Variants in ACACB observed in about 807,000 individuals in gnomAD.
ACACB encodes acetyl-CoA carboxylase 2.
Under a neutral mutation model 278.8 loss-of-function variants are expected in ACACB, and 209 were observed. That is an observed-to-expected ratio of 0.75 (90% CI 0.67 to 0.84). The LOEUF (loss-of-function observed/expected upper bound fraction) is 0.84, where lower values mean the gene tolerates loss of function less well. ACACB is among the 40% of genes least tolerant of loss of function. The pLI is 0.00. For synonymous variants in ACACB, 1,174 were observed against 1,285.6 expected, an observed-to-expected ratio of 0.91 and a Z score of 1.86; for missense variants, 2,850 against 3,269.0, an observed-to-expected ratio of 0.87 and a Z score of 3.13.
chr12:109,257,780 A>G (rs1473282317), intron 45 of ACACB, among the ~76,000 whole-genome samples: 1 of 152,184 alleles, frequency 6.6e-6, no homozygotes, highest in Non-Finnish European at 1.5e-5. Context: ...TATGCTGTCC[A>G]GGCTGGTCTC....
At chr12:109,199,228 T>C (rs2045246279) in intron 17 of ACACB, among the ~76,000 whole-genome samples, 174 bp from the exon 18 acceptor site, 2 of 152,250 alleles carry the variant, frequency 1.3e-5, no homozygotes, top group Non-Finnish European at 2.9e-5. Flanking sequence ...ACAGCCTTTT[T>C]GTTCACCCAC....
intron 35 of ACACB, 110 bp from the exon 36 acceptor site, chr12:109,240,968 C>G: frequency 9.9e-7 from 1 of 1,008,046 alleles, no homozygotes. Context: ...CACTATGTCC[C>G]AGGCGTTTTT....
At chr12:109,130,504 C>T (rs573928863) in intron 1 of ACACB, among the ~76,000 whole-genome samples, 2 of 152,294 alleles carry the variant, frequency 1.3e-5, no homozygotes, top group East Asian at 1.9e-4. Flanking sequence ...CAGTCTTTGG[C>T]TCTGTGGCTA....
intron 29 of ACACB, among the ~76,000 whole-genome samples, 172 bp downstream of exon 29, chr12:109,232,978 C>T (rs1371332049): frequency 6.6e-6 from 1 of 152,172 alleles, no homozygotes; most frequent in Non-Finnish European, 1.5e-5. Context: ...TATGAGCCTA[C>T]ATGTCAGCTT....
Position 109,221,894 on chromosome 12 carries a change from T to TGGG in ACACB, c.3565-608_3565-606dup, listed in dbSNP as rs1555225730. 4.7e-3 allele frequency among the ~76,000 whole-genome samples: 602 copies of TGGG among 128,222 alleles called. 11 individuals carry two copies. The highest frequency in any genetic ancestry group is 0.018 in the African/African-American group (560 of 31,924). The allele number at this position is 128,222 out of a possible 152,430, so 84.1% of individuals were successfully genotyped here. On this transcript the variant is annotated intron_variant, in intron 24 of 52. Coordinates refer to ENST00000338432, the MANE Select transcript of ACACB (RefSeq NM_001093.4). ...AATCACTGACCTTTTTTTTTTTTTT[T>TGGG]GGGGGGGAGACAGAGTCTGGCTCTG...
intron 3 of ACACB, chr12:109,167,280 T>TAA: frequency 1.1e-5 from 3 of 274,144 alleles, no homozygotes; most frequent in Non-Finnish European, 1.4e-5. Context: ...ACCAAAGGAA[T>TAA]AAAAAAAAAA....
chr12:109,139,687 C>T lies in ACACB; in HGVS notation c.282C>T (p.Pro94=), dbSNP rs776063981. Residue 94 remains proline, a synonymous_variant, in exon 2 of 53, where the codon CCC becomes CCT. Coordinates refer to ENST00000338432, the MANE Select transcript of ACACB (RefSeq NM_001093.4). ...DAGRRRNSLP[P]SHQKPPRNPL... is the part of the protein sequence containing the mutation. ...GTCGGCGGAGAAACTCCCTACCACCCTCCCACCAGAAGCCCCCAAGAAACC... is the reference window on the plus strand; with the variant it reads ...GTCGGCGGAGAAACTCCCTACCACCTTCCCACCAGAAGCCCCCAAGAAACC... 2.5e-6 allele frequency: 4 copies of T among 1,614,100 alleles called. No homozygotes were observed. Among genetic ancestry groups the T allele is most frequent in the Middle Eastern group, 1.6e-4 (1 of 6,062 alleles).
intron 19 of ACACB, among the ~76,000 whole-genome samples, chr12:109,206,440 A>AAAAAAAAAAC (rs1191294965): frequency 2.6e-5 from 4 of 151,660 alleles, no homozygotes; most frequent in African/African-American, 9.7e-5. Context: ...AAAAAAAAAA[A>AAAAAAAAAAC]AAAACAGATC....
chr12:109,201,621 A>C lies in ACACB; in HGVS notation c.2833A>C (p.Ile945Leu), dbSNP rs2045334278. Reference sequence around the variant, plus strand: ...TCAGGAAAGAGGCCGGGTGAAGTACATCAAGCGTCCAGGTGCCGTGCTGGA... The same window carrying C: ...TCAGGAAAGAGGCCGGGTGAAGTACCTCAAGCGTCCAGGTGCCGTGCTGGA... ...NVQERGRVKY[I>L]KRPGAVLEAG... Residue 945 changes from isoleucine to leucine, a missense_variant, in exon 19 of 53, where the codon ATC becomes CTC. Transcript: ENST00000338432. The C allele has an allele frequency of 6.2e-6, 10 of 1,614,082 alleles. No individual in the cohort carries two copies. The highest frequency in any genetic ancestry group is 8.5e-6 in the Non-Finnish European group (10 of 1,180,048).
At chr12:109,188,891 A>G (rs2044766120) in intron 13 of ACACB, among the ~76,000 whole-genome samples, 1 of 152,188 alleles carries the variant, frequency 6.6e-6, no homozygotes, top group African/African-American at 2.4e-5. Context: ...TTTAAACCTT[A>G]TCAGTAGTTC....
chr12:109,242,181 CTGT>C (rs2046817961), intron 36 of ACACB: 2 of 417,232 alleles, frequency 4.8e-6, no homozygotes, highest in Non-Finnish European at 8.6e-6. Flanking sequence ...CCATGCATGC[CTGT>C]TGTTGGGAGT....
At position 109,258,382 on chromosome 12, in the gene ACACB, T is replaced by C. The variant is rs750556306; in HGVS notation, c.6360+18T>C. The C allele has an allele frequency of 6.2e-6, 10 of 1,601,904 alleles. No individual in the cohort carries two copies. Among genetic ancestry groups the C allele is most frequent in the Non-Finnish European group, 8.5e-6 (10 of 1,173,824 alleles). On this transcript the variant is annotated intron_variant, in intron 46 of 52. Transcript: ENST00000338432. ...AGGCCAAGGTGAGGGGGCCGGGAGC[T>C]GTGGCTGCTGGTTTAGCCAGCGGTA... is the stretch of plus-strand genomic sequence containing the variant.
intron 1 of ACACB, among the ~76,000 whole-genome samples, chr12:109,126,561 G>A (rs2042684662): frequency 6.6e-6 from 1 of 152,144 alleles, no homozygotes; most frequent in African/African-American, 2.4e-5. Context: ...GTGTGCACCT[G>A]TAGTCCCAGC....
chr12:109,243,406 C>A (rs533639522), intron 37 of ACACB, among the ~76,000 whole-genome samples: 1 of 152,214 alleles, frequency 6.6e-6, no homozygotes, highest in African/African-American at 2.4e-5. Flanking sequence ...TAAGACCAGC[C>A]TGGCCAACAT....
chr12:109,176,395 G>A lies in ACACB; in HGVS notation c.1437+132G>A, dbSNP rs148890074. 1,463 of 828,018 alleles carry A rather than the reference G, an allele frequency of 1.8e-3. 2 individuals are homozygous for A. Among genetic ancestry groups the A allele is most frequent in the Non-Finnish European group, 2.2e-3 (1,132 of 511,620 alleles). The allele number at this position is 828,018 out of a possible 1,614,324, so 51.3% of individuals were successfully genotyped here. ...TAGGAGCTGGATGTATCGTTGTATC[G>A]TATTTTGCAACAAACGCGTACATTT... On this transcript the variant is annotated intron_variant, in intron 9 of 52. Coordinates refer to ENST00000338432, the MANE Select transcript of ACACB (RefSeq NM_001093.4).
chr12:109,237,759 C>G (rs2046673008), intron 34 of ACACB, among the ~76,000 whole-genome samples: 1 of 152,068 alleles, frequency 6.6e-6, no homozygotes, highest in Non-Finnish European at 1.5e-5. Flanking sequence ...TGCCTGTAAT[C>G]CCAGTACTTT....
Position 109,266,415 on chromosome 12 carries a change from C to T in ACACB, c.*53C>T. 1.3e-6 allele frequency: 2 copies of T among 1,543,498 alleles called. 1 individual carries two copies. On this transcript the variant is annotated 3_prime_UTR_variant, in exon 53 of 53. Transcript: ENST00000338432. The stretch of plus-strand genomic sequence containing the variant: ...CCACGGCAAAAGGAACCACCCAGAC[C>T]CACCACCCGTACACCCTCAGCAGAC...
chr12:109,159,151 G>A (rs1253950842), intron 2 of ACACB, among the ~76,000 whole-genome samples: 1 of 152,180 alleles, frequency 6.6e-6, no homozygotes, highest in Non-Finnish European at 1.5e-5. Flanking sequence ...GGTGGCTTGA[G>A]AAATTTCCAA....
chr12:109,144,977 G>A (rs2043207080), intron 2 of ACACB, among the ~76,000 whole-genome samples: 1 of 151,932 alleles, frequency 6.6e-6, no homozygotes, highest in Non-Finnish European at 1.5e-5. Flanking sequence ...TAGCTAGGCT[G>A]GTCTCCATCT....
Sources: allele counts gnomAD v4.1 joint callset (sites outside exome capture counted in the v4.1 genomes callset), GRCh38; gene constraint gnomAD v4.1.1; transcripts MANE v1.5; gene names NCBI Gene and HGNC (gene_info 2026-07-23, HGNC 2026-07-21).